APLF: variants seen among roughly 807,000 people sequenced by gnomAD.
APLF encodes aprataxin and PNK-like factor.
A neutral mutation model predicts 55.6 loss-of-function variants in APLF; 61 were observed. The ratio of observed to expected loss-of-function variants is 1.10; its 90% CI spans 0.89 to 1.36. The LOEUF (loss-of-function observed/expected upper bound fraction) is 1.36. Ranked by LOEUF, APLF falls within the 40% of genes most tolerant of loss-of-function variation. The pLI is 0.00. For synonymous variants in APLF, 207 were observed against 214.8 expected (o/e 0.96, Z 0.32); for missense variants, 611 against 602.5 (o/e 1.01, Z -0.15).
intron 8 of APLF, among the ~76,000 whole-genome samples, chr2:68,566,934 G>C (rs973007637): frequency 4.6e-5 from 7 of 151,972 alleles, no homozygotes; most frequent in Non-Finnish European, 1.0e-4. Context: ...TTCAAGAAGA[G>C]CCTTAGAATT....
intron 2 of APLF, among the ~76,000 whole-genome samples, chr2:68,497,855 C>T (rs572887185): frequency 4.1e-4 from 62 of 152,032 alleles, no homozygotes; most frequent in South Asian, 1.9e-3. Context: ...ATGACAGATG[C>T]CTTTAATCAA....
At chr2:68,473,378 C>T (rs749897624) in intron 1 of APLF, among the ~76,000 whole-genome samples, 2 of 152,140 alleles carry the variant, frequency 1.3e-5, no homozygotes, top group Non-Finnish European at 2.9e-5. Context: ...AATAATATTC[C>T]ATTGTCGGTT....
intron 6 of APLF, among the ~76,000 whole-genome samples, chr2:68,526,876 C>T (rs563566638): frequency 2.0e-5 from 3 of 152,274 alleles, no homozygotes; most frequent in East Asian, 3.9e-4. Context: ...TCAGTAGAGA[C>T]GGAGTTTCAC....
At chr2:68,555,990 A>G (rs1358730677) in intron 8 of APLF, among the ~76,000 whole-genome samples, 1 of 152,148 alleles carries the variant, frequency 6.6e-6, no homozygotes, top group African/African-American at 2.4e-5. Flanking sequence ...AACAGTGCAA[A>G]GAAAGTATGA....
chr2:68,504,332 A>G (rs111667471), intron 3 of APLF, among the ~76,000 whole-genome samples: 2,666 of 152,040 alleles, frequency 0.018, 45 homozygotes, highest in Non-Finnish European at 0.027. Context: ...AGAAACTAAA[A>G]TCAGACAAGA....
At chr2:68,509,950 C>G (rs1382634716) in intron 3 of APLF, among the ~76,000 whole-genome samples, 10 of 151,516 alleles carry the variant, frequency 6.6e-5, no homozygotes, top group African/African-American at 2.4e-4. Flanking sequence ...CCATCATTCT[C>G]AGCAAACTAT....
At chr2:68,543,723 TACC>T (rs1670621699) in intron 7 of APLF, among the ~76,000 whole-genome samples, 3 of 152,164 alleles carry the variant, frequency 2.0e-5, no homozygotes, top group African/African-American at 4.8e-5. Flanking sequence ...TAAATTATAA[TACC>T]ATCATCAAAT....
At chr2:68,470,531 C>G (rs1394422556) in intron 1 of APLF, among the ~76,000 whole-genome samples, 1 of 152,160 alleles carries the variant, frequency 6.6e-6, no homozygotes, top group Non-Finnish European at 1.5e-5. Flanking sequence ...GTGAATCTAC[C>G]ATTATCTTAA....
At chr2:68,556,010 A>G (rs1018137917) in intron 8 of APLF, among the ~76,000 whole-genome samples, 1 of 152,216 alleles carries the variant, frequency 6.6e-6, no homozygotes, top group Non-Finnish European at 1.5e-5. Flanking sequence ...ATGGAATACT[A>G]CTCAACTGTA....
intron 3 of APLF, among the ~76,000 whole-genome samples, chr2:68,503,571 T>C (rs536027912): frequency 1.6e-4 from 24 of 152,222 alleles, no homozygotes; most frequent in Admixed American, 1.4e-3. Context: ...GCTACACAAA[T>C]ATACAAATAC....
intron 1 of APLF, among the ~76,000 whole-genome samples, chr2:68,485,417 A>C (rs1048005122): frequency 1.3e-5 from 2 of 152,136 alleles, no homozygotes; most frequent in African/African-American, 4.8e-5. Flanking sequence ...TCAGAGTACC[A>C]CATTAGGAAG....
chr2:68,481,843 T>C (rs1330685609), intron 1 of APLF, among the ~76,000 whole-genome samples: 1 of 152,048 alleles, frequency 6.6e-6, no homozygotes, highest in East Asian at 1.9e-4. Flanking sequence ...GACTTGTCTT[T>C]AAGTTCGGAA....
At chr2:68,486,034 A>G (rs973777284) in intron 1 of APLF, among the ~76,000 whole-genome samples, 2 of 151,846 alleles carry the variant, frequency 1.3e-5, no homozygotes, top group South Asian at 4.2e-4. Context: ...TTGGGATTCA[A>G]TTTGCTGTAT....
At chr2:68,516,967 T>C (rs1242001915) in intron 5 of APLF, among the ~76,000 whole-genome samples, 1 of 123,326 alleles carries the variant, frequency 8.1e-6, no homozygotes, top group Non-Finnish European at 1.6e-5. Flanking sequence ...TATATAATAA[T>C]ATAATATAAT....
At position 68,538,103 on chromosome 2, in the gene APLF, G is replaced by C; in HGVS notation, c.1036G>C (p.Glu346Gln). Residue 346 changes from glutamate to glutamine, a missense_variant, in exon 7 of 10, where the codon GAG (glutamate) becomes CAG (glutamine). Glu to Gln is a conservative substitution (Grantham distance 29). Coordinates refer to ENST00000303795, the MANE Select transcript of APLF (RefSeq NM_173545.3). ...GGATGAGTCTCAAGGGTCTCATTCT[G>C]AGTCCAGCTCTAATCCCTCCAATCC... ...LQDESQGSHS[E>Q]SSSNPSNPET... 1 of 1,614,126 alleles carries C rather than the reference G, an allele frequency of 6.2e-7. No homozygotes were observed. Among genetic ancestry groups the C allele is most frequent in the Non-Finnish European group, 8.5e-7 (1 of 1,180,004 alleles).
chr2:68,515,672 G>T, intron 5 of APLF: 1 of 983,000 alleles, frequency 1.0e-6, no homozygotes, highest in Non-Finnish European at 1.2e-6. Context: ...CTGGAATATC[G>T]CATGTGTACA....
At position 68,578,983 on chromosome 2, in the gene APLF, T is replaced by A. The variant is rs1230437382; in HGVS notation, c.*961T>A. 2 of 984,670 alleles carry A rather than the reference T, an allele frequency of 2.0e-6. No homozygotes were observed. Among genetic ancestry groups the A allele is most frequent in the Non-Finnish European group, 2.4e-6 (2 of 829,392 alleles). The allele number at this position is 984,670 out of a possible 1,614,324, so 61.0% of individuals were successfully genotyped here. A position where few individuals can be genotyped will look rare whatever the true frequency, so the allele number is the denominator to read the frequency against. ...TTTAAGCCCTATAATGCTCTTCATA[T>A]TACGTGACTTTGAATTGTTAAAATG... On this transcript the variant is annotated 3_prime_UTR_variant, in exon 10 of 10. Coordinates refer to ENST00000303795, the MANE Select transcript of APLF (RefSeq NM_173545.3).
At chr2:68,498,587 C>T (rs1192190485) in intron 2 of APLF, among the ~76,000 whole-genome samples, 2 of 152,190 alleles carry the variant, frequency 1.3e-5, no homozygotes, top group Admixed American at 1.3e-4. Flanking sequence ...GGAGATGATG[C>T]TAGCTCATGA....
intron 8 of APLF, among the ~76,000 whole-genome samples, chr2:68,562,137 G>A (rs111445988): frequency 0.014 from 2,095 of 152,016 alleles, 40 homozygotes; most frequent in African/African-American, 0.046. Flanking sequence ...AATATGCCAG[G>A]CACAGAAAGG....
Sources: allele counts gnomAD v4.1 joint callset (sites outside exome capture counted in the v4.1 genomes callset), GRCh38; gene constraint gnomAD v4.1.1; transcripts MANE v1.5; gene names NCBI Gene and HGNC (gene_info 2026-07-23, HGNC 2026-07-21).